Variants in HDAC9 observed in about 807,000 individuals in gnomAD.
HDAC9 encodes the protein histone deacetylase 9, also known as MEF-2 interacting transcription repressor (MITR) protein.
In HDAC9, 41 loss-of-function variants were observed where a neutral mutation model predicts 139.4. That is an observed-to-expected ratio of 0.29 (90% CI 0.23 to 0.38). HDAC9 has a LOEUF of 0.38. HDAC9 is among the 10% of genes least tolerant of loss of function. The probability of loss-of-function intolerance (pLI) is 1.00; values close to 1 mark genes in which losing one functional copy is unlikely to be tolerated. For missense variants in HDAC9, 1,147 were observed against 1,297.0 expected (o/e 0.88, Z 1.78); for synonymous variants, 517 against 476.2 (o/e 1.09, Z -1.12).
Position 18,250,173 on chromosome 7 carries a change from G to T in HDAC9, c.25+87824G>T, listed in dbSNP as rs142993688. Among the ~76,000 whole-genome samples the T allele has an allele frequency of 9.2e-5, 14 of 152,300 alleles. No homozygotes were observed. In the East Asian group the frequency reaches 2.7e-3, roughly 29 times the overall value. Reference sequence around the variant, plus strand: ...CTTTTATTTCTCTGCATTGTCATATGATTCAAGTTGGGATGGGCCCATGTA... The same window carrying T: ...CTTTTATTTCTCTGCATTGTCATATTATTCAAGTTGGGATGGGCCCATGTA... On this transcript the variant is annotated intron_variant, in intron 2 of 12. Transcript: ENST00000417496.
At chr7:18,994,646 C>T (rs1301125918) in intron 25 of HDAC9, among the ~76,000 whole-genome samples, 1 of 152,048 alleles carries the variant, frequency 6.6e-6, no homozygotes, top group Non-Finnish European at 1.5e-5. Flanking sequence ...TTTTTGATTA[C>T]CCTCCTATGG....
chr7:18,150,630 G>T (rs1786709228), intron 1 of HDAC9, among the ~76,000 whole-genome samples: 1 of 152,140 alleles, frequency 6.6e-6, no homozygotes, highest in East Asian at 1.9e-4. Context: ...GGTCCCAAAA[G>T]GGACCCTTAC....
chr7:18,984,663 A>G (rs1317739684), intron 25 of HDAC9, among the ~76,000 whole-genome samples: 1 of 152,210 alleles, frequency 6.6e-6, no homozygotes, highest in African/African-American at 2.4e-5. Flanking sequence ...TTCATGAAAT[A>G]TCAATGAAAT....
At chr7:18,096,144 C>T (rs1782486263) in intron 1 of HDAC9, among the ~76,000 whole-genome samples, 1 of 152,040 alleles carries the variant, frequency 6.6e-6, no homozygotes, top group Admixed American at 6.6e-5. Context: ...AAGCTGTATT[C>T]CAAGATTTCT....
intron 2 of HDAC9, among the ~76,000 whole-genome samples, chr7:18,581,514 G>A (rs1264066934): frequency 6.6e-6 from 1 of 152,030 alleles, no homozygotes; most frequent in African/African-American, 2.4e-5. Flanking sequence ...AGCTTTTTTA[G>A]AGGTTTGATG....
chr7:18,396,132 G>T (rs12535979), intron 1 of HDAC9, among the ~76,000 whole-genome samples: 3 of 62,962 alleles, frequency 4.8e-5, no homozygotes, highest in Non-Finnish European at 1.0e-4. Flanking sequence ...CCCTTCCCTT[G>T]CCTTCCCTTC....
At chr7:18,379,140 C>G (rs1171516620) in intron 1 of HDAC9, among the ~76,000 whole-genome samples, 1 of 152,050 alleles carries the variant, frequency 6.6e-6, no homozygotes, top group African/African-American at 2.4e-5. Context: ...ATCTACCGCT[C>G]AAAAATCTGA....
intron 1 of HDAC9, among the ~76,000 whole-genome samples, chr7:18,139,598 A>G (rs1216132630): frequency 6.6e-6 from 1 of 152,192 alleles, no homozygotes; most frequent in African/African-American, 2.4e-5. Flanking sequence ...AGACACCTCT[A>G]GTAGGCTGAA....
At chr7:18,432,742 T>TA (rs1220736772) in intron 1 of HDAC9, among the ~76,000 whole-genome samples, 2 of 152,116 alleles carry the variant, frequency 1.3e-5, no homozygotes, top group African/African-American at 4.8e-5. Context: ...GGTCAGGAGA[T>TA]AGAGACCATC....
chr7:18,515,963 T>C (rs951257134), intron 2 of HDAC9, among the ~76,000 whole-genome samples: 5 of 152,222 alleles, frequency 3.3e-5, no homozygotes, highest in Admixed American at 2.6e-4. Context: ...TTTTAAAACT[T>C]AAAGGGAAGA....
At chr7:18,662,288 C>T (rs1230328650) in intron 11 of HDAC9, among the ~76,000 whole-genome samples, 2 of 151,842 alleles carry the variant, frequency 1.3e-5, no homozygotes, top group African/African-American at 4.8e-5. Flanking sequence ...TTGACCTTAA[C>T]AAGAGATTTT....
At chr7:18,754,876 T>C (rs1788745645) in intron 14 of HDAC9, among the ~76,000 whole-genome samples, 1 of 152,128 alleles carries the variant, frequency 6.6e-6, no homozygotes, top group Non-Finnish European at 1.5e-5. Flanking sequence ...AGGAAATACA[T>C]TCATCTGTGG....
intron 1 of HDAC9, among the ~76,000 whole-genome samples, chr7:18,119,234 T>C (rs942861696): frequency 1.1e-4 from 16 of 152,220 alleles, no homozygotes; most frequent in Non-Finnish European, 1.8e-4. Context: ...GTCCATTGCA[T>C]GCTCCATGCT....
chr7:18,176,064 A>C (rs1465361218), intron 2 of HDAC9, among the ~76,000 whole-genome samples: 2 of 152,156 alleles, frequency 1.3e-5, no homozygotes, highest in Admixed American at 6.5e-5. Flanking sequence ...ATGACCAAGC[A>C]CTCACCTTTT....
At chr7:18,946,036 CAAAAAAAAAAAAAAAAAA>C (rs1171055959) in intron 23 of HDAC9, among the ~76,000 whole-genome samples, 7 of 38,260 alleles carry the variant, frequency 1.8e-4, no homozygotes, top group East Asian at 2.9e-3. Context: ...GACTCCGTCT[CAAAAAAAAAAAAAAAAAA>C]AAAAAAAAAA....
At chr7:18,131,518 G>A (rs1033844077) in intron 1 of HDAC9, among the ~76,000 whole-genome samples, 1 of 152,134 alleles carries the variant, frequency 6.6e-6, no homozygotes, top group African/African-American at 2.4e-5. Context: ...TTTGTTTTTG[G>A]CTAGACAACT....
Position 18,339,199 on chromosome 7 carries a change from T to G in HDAC9, c.-42+48684T>G, listed in dbSNP as rs187662358. Among the ~76,000 whole-genome samples the G allele has an allele frequency of 3.3e-5, 5 of 151,572 alleles. No homozygotes were observed. The East Asian group carries it at 9.7e-4, about 29-fold the overall frequency. ...ACAAGTTTGTCAGTATTCTGGATCT[T>G]CTAAAATAATCAGCTTTTGATTTCA... is the stretch of plus-strand genomic sequence containing the variant. On this transcript the variant is annotated intron_variant, in intron 1 of 3. Coordinates refer to the HDAC9 transcript ENST00000413509.
chr7:18,249,504 A>G (rs1004836471), intron 2 of HDAC9, among the ~76,000 whole-genome samples: 46 of 36,110 alleles, frequency 1.3e-3, no homozygotes, highest in Non-Finnish European at 1.6e-3. Context: ...CTCTGTCTCA[A>G]AAAAAAAAAA....
At chr7:18,161,772 T>C (rs1177543218) in intron 1 of HDAC9, among the ~76,000 whole-genome samples, 1 of 152,206 alleles carries the variant, frequency 6.6e-6, no homozygotes, top group Non-Finnish European at 1.5e-5. Context: ...TTGTTCTTTT[T>C]TTAGTCCATT....
Sources: gnomAD v4.1 joint callset for allele counts (sites outside exome capture counted in the v4.1 genomes callset) on GRCh38, gnomAD v4.1.1 for gene constraint, MANE v1.5 for transcripts, NCBI Gene and HGNC (gene_info 2026-07-23, HGNC 2026-07-21) for gene names.